The following PLEKHA5 variants were observed in gnomAD, a reference collection of about 807,000 sequenced individuals.
The protein encoded by PLEKHA5 is pleckstrin homology domain containing A5.
PLEKHA5 carries 55 observed loss-of-function variants against 181.9 expected under a neutral mutation model. The observed-to-expected ratio is 0.30, with a 90% confidence interval of 0.24 to 0.38. The LOEUF (loss-of-function observed/expected upper bound fraction) is 0.38, where lower values mean the gene tolerates loss of function less well. Ranked by LOEUF, PLEKHA5 falls within the 10% of genes least tolerant of loss-of-function variation. The pLI is 1.00. For synonymous variants in PLEKHA5, 535 were observed against 529.4 expected, an observed-to-expected ratio of 1.01 and a Z score of -0.15; for missense variants, 1,432 against 1,549.5, an observed-to-expected ratio of 0.92 and a Z score of 1.27.
chr12:19,199,585 G>T (rs1233367935), intron 3 of PLEKHA5, among the ~76,000 whole-genome samples: 1 of 152,138 alleles, frequency 6.6e-6, no homozygotes, highest in Non-Finnish European at 1.5e-5. Flanking sequence ...GGAGCTTGCA[G>T]TTGCTCAGTA....
At chr12:19,337,536 G>A (rs1264438407) in intron 21 of PLEKHA5, among the ~76,000 whole-genome samples, 10 of 131,406 alleles carry the variant, frequency 7.6e-5, no homozygotes, top group Middle Eastern at 5.4e-3. Flanking sequence ...GCGACAGAGC[G>A]AGACTCTATC....
intron 29 of PLEKHA5, among the ~76,000 whole-genome samples, chr12:19,365,664 G>A (rs144484859): frequency 1.9e-3 from 284 of 152,244 alleles, no homozygotes; most frequent in African/African-American, 6.4e-3. Context: ...TTAAAAATAT[G>A]TTCTGAAGTA....
At chr12:19,296,051 T>C (rs1028603289) in intron 15 of PLEKHA5, among the ~76,000 whole-genome samples, 1 of 148,384 alleles carries the variant, frequency 6.7e-6, no homozygotes, top group African/African-American at 2.5e-5. Flanking sequence ...GGCCAACGTA[T>C]AGTGAAACCT....
chr12:19,365,941 A>G, intron 29 of PLEKHA5, 23 bp from the exon 30 acceptor site: 1 of 1,557,936 alleles, frequency 6.4e-7, no homozygotes, highest in Middle Eastern at 1.7e-4. Flanking sequence ...ACAAATTTTT[A>G]AATACCAATC....
At chr12:19,276,835 A>G (rs2074668397) in intron 11 of PLEKHA5, among the ~76,000 whole-genome samples, 1 of 152,232 alleles carries the variant, frequency 6.6e-6, no homozygotes, top group Non-Finnish European at 1.5e-5. Context: ...TAGCCATTCC[A>G]CAATATACAT....
intron 8 of PLEKHA5, among the ~76,000 whole-genome samples, chr12:19,267,554 G>A (rs375669642): frequency 1.6e-3 from 250 of 152,232 alleles, no homozygotes; most frequent in Middle Eastern, 3.4e-3. Context: ...TTGCTACTGG[G>A]GAGGCTGAGG....
intron 3 of PLEKHA5, among the ~76,000 whole-genome samples, chr12:19,133,742 A>G (rs549959132): frequency 6.6e-6 from 1 of 152,070 alleles, no homozygotes; most frequent in Admixed American, 6.5e-5. Context: ...GTTTCATGGT[A>G]TGGTCTTTCT....
At chr12:19,252,527 C>T (rs2065623560) in intron 3 of PLEKHA5, among the ~76,000 whole-genome samples, 1 of 151,910 alleles carries the variant, frequency 6.6e-6, no homozygotes, top group African/African-American at 2.4e-5. Context: ...TTCTTTCATT[C>T]AAGAAGACAG....
chr12:19,334,828 AAATATAT>A (rs1217963325), intron 20 of PLEKHA5, among the ~76,000 whole-genome samples: 1 of 39,590 alleles, frequency 2.5e-5, no homozygotes, highest in African/African-American at 8.0e-5. Context: ...CAAAAAAAAA[AAATATAT>A]ATATATATAT....
rs1401737972 is a variant in PLEKHA5 at position 19,230,575 on chromosome 12, C to T, written c.228-23365C>T. ...AGGCTGGCAGTGCTGGGGCACCCGG[C>T]GCCCCCTCCACAGCTGCTGGCCTGG... On this transcript the variant is annotated intron_variant, in intron 3 of 31. Coordinates refer to ENST00000429027, the MANE Select transcript of PLEKHA5 (RefSeq NM_001256470.2). Among the ~76,000 whole-genome samples the T allele has an allele frequency of 1.1e-4, 17 of 152,308 alleles. No homozygotes were observed. The East Asian group carries it at 1.5e-3, about 14-fold the overall frequency.
At chr12:19,225,027 A>T (rs1333047511) in intron 3 of PLEKHA5, among the ~76,000 whole-genome samples, 2 of 152,156 alleles carry the variant, frequency 1.3e-5, no homozygotes, top group East Asian at 1.9e-4. Context: ...ATCTGTTAAA[A>T]TTGGGGTTAT....
At chr12:19,231,205 C>T (rs1465557811) in intron 3 of PLEKHA5, among the ~76,000 whole-genome samples, 1 of 151,986 alleles carries the variant, frequency 6.6e-6, no homozygotes, top group East Asian at 1.9e-4. Flanking sequence ...AAACTGGTAA[C>T]ACTATCATAT....
intron 3 of PLEKHA5, among the ~76,000 whole-genome samples, chr12:19,191,982 T>C (rs1201377025): frequency 6.6e-6 from 1 of 152,152 alleles, no homozygotes; most frequent in Non-Finnish European, 1.5e-5. Context: ...CCTTGATTCA[T>C]TGCAGGAGGG....
Position 19,358,159 on chromosome 12 carries a change from A to C in PLEKHA5, c.3139-69A>C, listed in dbSNP as rs960428378. 9.3e-6 allele frequency: 10 copies of C among 1,070,472 alleles called. No homozygotes were observed. In the African/African-American group the frequency reaches 1.3e-4, roughly 14 times the overall value. The allele number at this position is 1,070,472 out of a possible 1,614,324, so 66.3% of individuals were successfully genotyped here. A position where few individuals can be genotyped will look rare whatever the true frequency, so the allele number is the denominator to read the frequency against. On this transcript the variant is annotated intron_variant, in intron 26 of 31. Coordinates refer to ENST00000429027, the MANE Select transcript of PLEKHA5 (RefSeq NM_001256470.2). Reference sequence around the variant, plus strand: ...AAAATAAATAAATGCACTTTACAACATTTTTTATTCCATCATACTTTTCAG... The same window carrying C: ...AAAATAAATAAATGCACTTTACAACCTTTTTTATTCCATCATACTTTTCAG...
intron 3 of PLEKHA5, among the ~76,000 whole-genome samples, chr12:19,157,152 A>G (rs1167613509): frequency 1.3e-5 from 2 of 151,192 alleles, no homozygotes; most frequent in Non-Finnish European, 2.9e-5. Context: ...TATACAGCTT[A>G]CCCTCGTATA....
intron 3 of PLEKHA5, among the ~76,000 whole-genome samples, chr12:19,208,133 TGTG>T (rs751950112): frequency 3.3e-5 from 5 of 152,074 alleles, no homozygotes; most frequent in Admixed American, 6.6e-5. Flanking sequence ...CTAGGCCAGG[TGTG>T]GTGGCTCACA....
At position 19,274,961 on chromosome 12, in the gene PLEKHA5, G is replaced by A. The variant is rs1350329026; in HGVS notation, c.1291G>A (p.Gly431Ser). The change falls in exon 11 of 32, where the codon GGT (glycine) becomes AGT (serine). Residue 431 changes from glycine to serine, a missense_variant. Transcript: ENST00000429027. ...EQWIKIQKGRGHEEETRGVIS... is the reference protein window; with the variant it reads ...EQWIKIQKGRSHEEETRGVIS... ...GTGGATTAAAATCCAGAAGGGGAGGGGTCATGAAGAAGAAACCAGGGGGTA... is the reference window on the plus strand; with the variant it reads ...GTGGATTAAAATCCAGAAGGGGAGGAGTCATGAAGAAGAAACCAGGGGGTA... 2 of 1,608,876 alleles carry A rather than the reference G, an allele frequency of 1.2e-6. No homozygotes were observed. The highest frequency in any genetic ancestry group is 2.2e-5 in the East Asian group (1 of 44,858).
intron 20 of PLEKHA5, among the ~76,000 whole-genome samples, chr12:19,327,672 A>T (rs1231707848): frequency 7.2e-6 from 1 of 138,692 alleles, no homozygotes; most frequent in African/African-American, 2.7e-5. Context: ...TGAGACAGAG[A>T]CTCACTCTGT....
At chr12:19,265,011 G>T (rs1273575064) in intron 7 of PLEKHA5, among the ~76,000 whole-genome samples, 2 of 152,074 alleles carry the variant, frequency 1.3e-5, no homozygotes, top group Admixed American at 1.3e-4. Flanking sequence ...ATTTTCCTAG[G>T]TATATTTTAT....
Sources: gnomAD v4.1 joint callset for allele counts (sites outside exome capture counted in the v4.1 genomes callset) on GRCh38, gnomAD v4.1.1 for gene constraint, MANE v1.5 for transcripts, NCBI Gene and HGNC (gene_info 2026-07-23, HGNC 2026-07-21) for gene names.